QSER1: variants seen among roughly 807,000 people sequenced by gnomAD.
QSER1 encodes the protein glutamine and serine rich 1.
QSER1 carries 49 observed loss-of-function variants against 158.5 expected under a neutral mutation model. That is an observed-to-expected ratio of 0.31 (90% CI 0.25 to 0.39). QSER1 has a LOEUF of 0.39. Ranked by LOEUF, QSER1 falls within the 10% of genes least tolerant of loss-of-function variation. The pLI is 1.00. For synonymous variants in QSER1, 650 were observed against 715.5 expected, an observed-to-expected ratio of 0.91 and a Z score of 1.46; for missense variants, 1,754 against 2,010.3, an observed-to-expected ratio of 0.87 and a Z score of 2.44.
chr11:32,915,725 TC>T (rs1851822440), intron 1 of QSER1, among the ~76,000 whole-genome samples: 1 of 152,202 alleles, frequency 6.6e-6, no homozygotes, highest in African/African-American at 2.4e-5. Context: ...ATTAATACCT[TC>T]TGAAATTGAT....
chr11:32,914,298 C>A (rs942512239), intron 1 of QSER1, among the ~76,000 whole-genome samples: 36 of 152,176 alleles, frequency 2.4e-4, no homozygotes, highest in African/African-American at 8.7e-4. Flanking sequence ...AGTCTTGTAG[C>A]ATTTATTTGC....
chr11:32,902,347 C>A (rs1851636334), intron 1 of QSER1, among the ~76,000 whole-genome samples: 1 of 152,204 alleles, frequency 6.6e-6, no homozygotes, highest in African/African-American at 2.4e-5. Flanking sequence ...CTGGGCCCAA[C>A]TCCAGAGTTT....
chr11:32,952,159 A>G lies in QSER1; in HGVS notation c.4178-1698A>G, dbSNP rs1852433091. 2.6e-5 allele frequency among the ~76,000 whole-genome samples: 4 copies of G among 152,138 alleles called. No individual in the cohort carries two copies. The South Asian group carries it at 8.3e-4, about 31-fold the overall frequency. ...CCAGGCCTTGGGATTTTCTATATAC[A>G]AGATCATATCATCTGCAAATATAGC... On this transcript the variant is annotated intron_variant, in intron 4 of 12. Coordinates refer to ENST00000650167, the MANE Select transcript of QSER1 (RefSeq NM_001076786.3).
rs866685074 is a variant in QSER1 at position 32,964,299 on chromosome 11, T to C, written c.4970-2001T>C. Among the ~76,000 whole-genome samples the C allele has an allele frequency of 3.9e-5, 6 of 152,216 alleles. No individual in the cohort carries two copies. The Middle Eastern group carries it at 0.017, about 431-fold the overall frequency. The stretch of plus-strand genomic sequence containing the variant: ...CCCTAGGACTATTCCTAAGTGAAAC[T>C]TTTTCCCCCTCCAAATACATGGTAG... On this transcript the variant is annotated intron_variant, in intron 8 of 12. Coordinates refer to ENST00000650167, the MANE Select transcript of QSER1 (RefSeq NM_001076786.3).
At position 32,933,854 on chromosome 11, in the gene QSER1, C is replaced by G. The variant is rs1360836897; in HGVS notation, c.2596C>G (p.Gln866Glu). 1 of 1,613,374 alleles carries G rather than the reference C, an allele frequency of 6.2e-7. No individual in the cohort carries two copies. The highest frequency in any genetic ancestry group is 1.1e-5 in the South Asian group (1 of 90,898). Reference sequence around the variant, plus strand: ...TTCTGCCTGTGATTTACAAATTCTTCAGCAGTCAATACTGCAGGCAGGTTT... The same window carrying G: ...TTCTGCCTGTGATTTACAAATTCTTGAGCAGTCAATACTGCAGGCAGGTTT... Reference protein sequence around the residue: ...LDSACDLQILQQSILQAGLGQ... With the variant: ...LDSACDLQILEQSILQAGLGQ... The change falls in exon 4 of 13, where the codon CAG (glutamine) becomes GAG (glutamate). Residue 866 changes from glutamine to glutamate, a missense_variant. This residue lies in a region of QSER1 where 1,707 missense variants were observed against 1,919.6 expected (regional missense o/e 0.89). Coordinates refer to ENST00000650167, the MANE Select transcript of QSER1 (RefSeq NM_001076786.3).
chr11:32,955,972 G>C lies in QSER1; in HGVS notation c.4618-16G>C, dbSNP rs775263598. 3.8e-6 allele frequency: 6 copies of C among 1,594,708 alleles called. No homozygotes were observed. The Admixed American group carries it at 1.1e-4, about 28-fold the overall frequency. ...AGATTGTTCAATTATGTAACTCAAA[G>C]TGTTTCCTTCCTCAGTATCTTGGAT... On this transcript the variant is annotated splice_polypyrimidine_tract_variant and intron_variant, in intron 6 of 12. Coordinates refer to ENST00000650167, the MANE Select transcript of QSER1 (RefSeq NM_001076786.3).
At chr11:32,974,625 AT>A (rs35415782) in intron 11 of QSER1, among the ~76,000 whole-genome samples, 1 of 152,114 alleles carries the variant, frequency 6.6e-6, no homozygotes, top group African/African-American at 2.4e-5. Flanking sequence ...TTTCAGAAAA[AT>A]TTTTTTGAGT....
At chr11:32,967,890 T>A (rs889713521) in intron 9 of QSER1, among the ~76,000 whole-genome samples, 1 of 152,200 alleles carries the variant, frequency 6.6e-6, no homozygotes, top group Non-Finnish European at 1.5e-5. Context: ...TCTGAAACAT[T>A]TATTTTGTAA....
intron 1 of QSER1, among the ~76,000 whole-genome samples, chr11:32,895,148 A>T (rs1487029610): frequency 1.3e-5 from 2 of 152,248 alleles, no homozygotes; most frequent in East Asian, 3.8e-4. Context: ...ATGACTTCCC[A>T]AACACACTTG....
At chr11:32,908,975 C>T (rs1466950374) in intron 1 of QSER1, among the ~76,000 whole-genome samples, 1 of 152,158 alleles carries the variant, frequency 6.6e-6, no homozygotes, top group Non-Finnish European at 1.5e-5. Context: ...ACCTGGCCAA[C>T]AGAGCGAAAC....
In QSER1 at chr11:32,958,046, C is replaced by T. The variant is rs1450420766; in HGVS notation, c.4929C>T (p.Asp1643=). The T allele has an allele frequency of 6.2e-7, 1 of 1,614,138 alleles. No individual in the cohort carries two copies. Among genetic ancestry groups the T allele is most frequent in the Admixed American group, 1.7e-5 (1 of 60,032 alleles). The change falls in exon 8 of 13, where the codon GAC becomes GAT. Residue 1643 remains aspartate (D), a synonymous_variant. Transcript: ENST00000650167. The stretch of plus-strand genomic sequence containing the variant: ...AAGAATTTTCATCATCCCAATCTGA[C>T]TCATCTCCTGAGATCCATACTAGTA... The part of the protein sequence containing the change: ...WKEEFSSSQS[D]SSPEIHTSSS...
intron 4 of QSER1, among the ~76,000 whole-genome samples, chr11:32,952,171 T>C (rs1353111891): frequency 1.3e-5 from 2 of 152,216 alleles, no homozygotes; most frequent in African/African-American, 4.8e-5. Flanking sequence ...GATCATATCA[T>C]CTGCAAATAT....
intron 1 of QSER1, among the ~76,000 whole-genome samples, chr11:32,908,778 G>A (rs1243958142): frequency 6.6e-6 from 1 of 152,208 alleles, no homozygotes; most frequent in Non-Finnish European, 1.5e-5. Flanking sequence ...GTATCTGGGA[G>A]TGGAACTGTT....
intron 1 of QSER1, among the ~76,000 whole-genome samples, chr11:32,922,328 G>A (rs1438915531): frequency 6.6e-6 from 1 of 152,042 alleles, no homozygotes; most frequent in Non-Finnish European, 1.5e-5. Context: ...AACTGGCCAA[G>A]AACTTGCTCC....
chr11:32,972,288 A>G (rs1216698738), intron 10 of QSER1, among the ~76,000 whole-genome samples: 1 of 152,148 alleles, frequency 6.6e-6, no homozygotes, highest in Non-Finnish European at 1.5e-5. Flanking sequence ...TTTAATTTTT[A>G]TAAAGTCATA....
chr11:32,894,671 G>A (rs187332924), intron 1 of QSER1, among the ~76,000 whole-genome samples: 1 of 152,212 alleles, frequency 6.6e-6, no homozygotes, highest in African/African-American at 2.4e-5. Context: ...TTTGCTTCAA[G>A]AATAGGAATA....
intron 10 of QSER1, among the ~76,000 whole-genome samples, chr11:32,969,686 C>CTTTTTT (rs1321422488): frequency 1.7e-4 from 23 of 134,698 alleles, no homozygotes; most frequent in Non-Finnish European, 2.9e-4. Context: ...CTTTTCTTTT[C>CTTTTTT]TTTTTTTTTT....
intron 1 of QSER1, among the ~76,000 whole-genome samples, chr11:32,909,208 C>T (rs185194621): frequency 6.6e-6 from 1 of 152,220 alleles, no homozygotes; most frequent in African/African-American, 2.4e-5. Flanking sequence ...ATGTCTGTGC[C>T]ACACTTGTGA....
chr11:32,942,507 T>TA (rs1457483390), intron 4 of QSER1, among the ~76,000 whole-genome samples: 4 of 150,822 alleles, frequency 2.7e-5, no homozygotes, highest in African/African-American at 9.7e-5. Context: ...CCCCATTGCT[T>TA]GTTTTTCTCA....
Sources: gnomAD v4.1 joint callset for allele counts (sites outside exome capture counted in the v4.1 genomes callset) on GRCh38, gnomAD v4.1.1 for gene constraint, gnomAD v4.1.1 regional missense constraint, MANE v1.5 for transcripts, NCBI Gene and HGNC (gene_info 2026-07-23, HGNC 2026-07-21) for gene names.